CATSPERG: variants seen among roughly 807,000 people sequenced by gnomAD.
The protein encoded by CATSPERG is cation channel sperm-associated auxiliary subunit gamma.
A neutral mutation model predicts 145.0 loss-of-function variants in CATSPERG; 115 were observed. The observed-to-expected ratio is 0.79, with a 90% CI of 0.68 to 0.93. The LOEUF (loss-of-function observed/expected upper bound fraction) is 0.93, where lower values mean the gene tolerates loss of function less well. Among genes scored for constraint, CATSPERG ranks in the 40% least tolerant of loss-of-function variants. The probability of loss-of-function intolerance (pLI) is 0.00; values close to 1 mark genes in which losing one functional copy is unlikely to be tolerated. For synonymous variants in CATSPERG, 588 were observed against 589.0 expected (o/e 1.00, Z 0.02); for missense variants, 1,296 against 1,490.1 (o/e 0.87, Z 2.14).
Position 38,356,518 on chromosome 19 carries a change from G to A in CATSPERG, c.1170G>A (p.Gln390=), listed in dbSNP as rs1284974652. ...GQVSFEMLPR[Q]WSVCEQIGVT... is the part of the protein sequence containing the mutation. Reference sequence around the variant, plus strand: ...TGTCCTTTGAGATGCTGCCCAGGCAGTGGTCTGTGTGCGAGCAGATAGGAG... The same window carrying A: ...TGTCCTTTGAGATGCTGCCCAGGCAATGGTCTGTGTGCGAGCAGATAGGAG... The change falls in exon 10 of 29, where the codon CAG becomes CAA. Residue 390 remains glutamine, a synonymous_variant. Transcript: ENST00000409235. 6.2e-7 allele frequency: 1 copy of A among 1,614,014 alleles called. No homozygotes were observed. Among genetic ancestry groups the A allele is most frequent in the East Asian group, 2.2e-5 (1 of 44,876 alleles).
intron 3 of CATSPERG, among the ~76,000 whole-genome samples, chr19:38,342,820 C>T (rs1969961987): frequency 6.6e-6 from 1 of 152,002 alleles, no homozygotes; most frequent in South Asian, 2.1e-4. Flanking sequence ...ACATCCTTCT[C>T]CTCTTCTCCC....
chr19:38,348,259 A>T (rs2145076648), intron 7 of CATSPERG, among the ~76,000 whole-genome samples: 1 of 152,008 alleles, frequency 6.6e-6, no homozygotes, highest in Non-Finnish European at 1.5e-5. Flanking sequence ...CCTGGACTTA[A>T]ACGATCCTCC....
In CATSPERG at chr19:38,365,052, T is replaced by A. The variant is rs1420002722; in HGVS notation, c.2557-9T>A. 1.2e-6 allele frequency: 2 copies of A among 1,614,074 alleles called. No homozygotes were observed. The highest frequency in any genetic ancestry group is 1.1e-5 in the South Asian group (1 of 91,082). ...GGGGATCACCATCTTCACCTGCTCCTACCCACAGGTGGTGGGTTCATCCGG... is the reference window on the plus strand; with the variant it reads ...GGGGATCACCATCTTCACCTGCTCCAACCCACAGGTGGTGGGTTCATCCGG... On this transcript the variant is annotated splice_polypyrimidine_tract_variant and intron_variant, in intron 21 of 28. Transcript: ENST00000409235.
chr19:38,370,772 G>A lies in CATSPERG; in HGVS notation c.3460G>A (p.Glu1154Lys). Residue 1154 changes from glutamate to lysine, a missense_variant, in exon 29 of 29, where the codon GAG (glutamate) becomes AAG (lysine). Physicochemically the swap from Glu to Lys is moderately conservative, Grantham distance 56. Transcript: ENST00000409235. ...EDRAEPKEAV[E>K]RQLMT ...CAGGGCTGAACCCAAGGAAGCCGTG[G>A]AGAGACAGTTGATGACCTGAGTGTC... is the stretch of plus-strand genomic sequence containing the variant. 6.2e-7 allele frequency: 1 copy of A among 1,613,932 alleles called. No individual in the cohort carries two copies. Among genetic ancestry groups the A allele is most frequent in the Non-Finnish European group, 8.5e-7 (1 of 1,179,946 alleles).
At position 38,367,706 on chromosome 19, in the gene CATSPERG, G is replaced by A. The variant is rs148888831; in HGVS notation, c.2860G>A (p.Gly954Arg). Residue 954 changes from glycine (G) to arginine (R), a missense_variant, in exon 25 of 29, where the codon GGG becomes AGG. Coordinates refer to ENST00000409235, the MANE Select transcript of CATSPERG (RefSeq NM_021185.5). ...GSYVLLVVGG[G>R]PTLDSLKDYS... ...CTATGTTCTGCTGGTGGTGGGTGGC[G>A]GGCCCACACTGGACAGCCTCAAGGA... 16 of 1,614,120 alleles carry A rather than the reference G, an allele frequency of 9.9e-6. No individual in the cohort carries two copies. The highest frequency in any genetic ancestry group is 5.0e-5 in the Admixed American group (3 of 60,008).
rs1347291190 is a variant in CATSPERG at position 38,344,191 on chromosome 19, C to T, written c.596+72C>T. Reference sequence around the variant, plus strand: ...CTCACCCCAGGGTCCCCAGAGGAGCCAGTGGGAGATCCAAGGGAGAGAATG... The same window carrying T: ...CTCACCCCAGGGTCCCCAGAGGAGCTAGTGGGAGATCCAAGGGAGAGAATG... On this transcript the variant is annotated intron_variant, in intron 5 of 28. Transcript: ENST00000409235. 5.2e-6 allele frequency: 8 copies of T among 1,544,834 alleles called. No individual in the cohort carries two copies. In the East Asian group the frequency reaches 1.7e-4, roughly 33 times the overall value.
chr19:38,354,734 G>T lies in CATSPERG; in HGVS notation c.1022G>T (p.Ser341Ile). 6.2e-7 allele frequency: 1 copy of T among 1,614,214 alleles called. No individual in the cohort carries two copies. ...GGCAGTTGGATTCGTGTCCTGGCCAGCGAGTGCATCAAGAAGCTGTGCCCT... is the reference window on the plus strand; with the variant it reads ...GGCAGTTGGATTCGTGTCCTGGCCATCGAGTGCATCAAGAAGCTGTGCCCT... ...GSGSWIRVLA[S>I]ECIKKLCPVY... The change falls in exon 9 of 29, where the codon AGC becomes ATC. Residue 341 changes from serine (S) to isoleucine (I), a missense_variant. Coordinates refer to ENST00000409235, the MANE Select transcript of CATSPERG (RefSeq NM_021185.5).
rs202193668 is a variant in CATSPERG, at chr19:38,360,601, A to G, written c.1721A>G (p.Asn574Ser). ...CAACAGTCCTCTCTCTACGCATCCA[A>G]TGAGACCATGCTGACCCTCTTCTAC... Reference protein sequence around the residue: ...LMQQSSLYASNETMLTLFYED... With the variant: ...LMQQSSLYASSETMLTLFYED... The change falls in exon 15 of 29, where the codon AAT becomes AGT. Residue 574 changes from asparagine to serine, a missense_variant. Asn to Ser is a conservative substitution (Grantham distance 46). Transcript: ENST00000409235. The G allele has an allele frequency of 1.7e-5, 28 of 1,614,102 alleles. No individual in the cohort carries two copies. In the East Asian group the frequency reaches 2.2e-4, roughly 13 times the overall value.
At chr19:38,355,174 A>G (rs1326955315) in intron 9 of CATSPERG, among the ~76,000 whole-genome samples, 32 of 151,432 alleles carry the variant, frequency 2.1e-4, no homozygotes, top group Admixed American at 6.6e-5. Flanking sequence ...GTGAAACCCC[A>G]TCTCTACTAA....
intron 3 of CATSPERG, among the ~76,000 whole-genome samples, chr19:38,338,097 A>G (rs2145057345): frequency 6.6e-6 from 1 of 152,102 alleles, no homozygotes; most frequent in East Asian, 1.9e-4. Context: ...AGTTCCCAGT[A>G]ACCCACCAAG....
At chr19:38,344,978 C>T (rs1174562219) in intron 6 of CATSPERG, among the ~76,000 whole-genome samples, 4 of 140,740 alleles carry the variant, frequency 2.8e-5, no homozygotes, top group Non-Finnish European at 1.5e-5. Flanking sequence ...GCAATCATGG[C>T]TCACTGCAGA....
rs776275957 is a variant in CATSPERG at position 38,370,698 on chromosome 19, T to A, written c.3386T>A (p.Leu1129Gln). ...TCCGGAATCTCGAGCATGCCGTCTC[T>A]GAGACATTCCAGGATGGGCTCCATG... ...SISGISSMPSLRHSRMGSMFS... is the reference protein window; with the variant it reads ...SISGISSMPSQRHSRMGSMFS... Residue 1129 changes from leucine (L) to glutamine (Q), a missense_variant, in exon 29 of 29, where the codon CTG becomes CAG. Coordinates refer to ENST00000409235, the MANE Select transcript of CATSPERG (RefSeq NM_021185.5). 2 of 1,614,016 alleles carry A rather than the reference T, an allele frequency of 1.2e-6. No individual in the cohort carries two copies. The highest frequency in any genetic ancestry group is 1.7e-6 in the Non-Finnish European group (2 of 1,179,940).
Position 38,352,382 on chromosome 19 carries a change from A to G in CATSPERG, c.947A>G (p.Tyr316Cys), listed in dbSNP as rs941563318. The G allele has an allele frequency of 1.4e-5, 22 of 1,551,032 alleles. No individual in the cohort carries two copies. The highest frequency in any genetic ancestry group is 1.7e-5 in the Non-Finnish European group (19 of 1,147,032). The change falls in exon 8 of 29, where the codon TAC becomes TGC. Residue 316 changes from tyrosine to cysteine, a missense_variant. Coordinates refer to ENST00000409235, the MANE Select transcript of CATSPERG (RefSeq NM_021185.5). ...TLFIRQNQLV[Y>C]YFTGTYTTLY... is the part of the protein sequence containing the mutation. ...TTCATTCGGCAGAACCAGCTGGTCT[A>G]CTATTTTACAGGCACCTATACCACA...
rs1226330219 is a variant in CATSPERG, at chr19:38,362,289, G to A, written c.2157+17G>A. The A allele has an allele frequency of 6.2e-7, 1 of 1,613,594 alleles. No individual in the cohort carries two copies. Among genetic ancestry groups the A allele is most frequent in the South Asian group, 1.1e-5 (1 of 91,078 alleles). Reference sequence around the variant, plus strand: ...CAAGACCAGGTAGGCGGAGCGGATTGGGAGCCGGGAAAGGGGCGGCGCCCG... The same window carrying A: ...CAAGACCAGGTAGGCGGAGCGGATTAGGAGCCGGGAAAGGGGCGGCGCCCG... On this transcript the variant is annotated intron_variant, in intron 18 of 28. Transcript: ENST00000409235.
At chr19:38,336,399 A>C (rs1969836793) in intron 1 of CATSPERG, 1 of 341,752 alleles carries the variant, frequency 2.9e-6, no homozygotes, top group Non-Finnish European at 5.9e-6. Flanking sequence ...ATCGCCGAGA[A>C]CCCGGGGAAG....
At position 38,343,617 on chromosome 19, in the gene CATSPERG, G is replaced by C. The variant is rs964539763; in HGVS notation, c.362G>C (p.Gly121Ala). The C allele has an allele frequency of 1.9e-6, 3 of 1,551,426 alleles. No homozygotes were observed. The highest frequency in any genetic ancestry group is 2.6e-6 in the Non-Finnish European group (3 of 1,146,912). The change falls in exon 4 of 29, where the codon GGG becomes GCG. Residue 121 changes from glycine to alanine, a missense_variant. Coordinates refer to ENST00000409235, the MANE Select transcript of CATSPERG (RefSeq NM_021185.5). The stretch of plus-strand genomic sequence containing the variant: ...CTGGTGCGCATGGGCCACCTGACGG[G>C]GCTAAAGCCCCTGGTGCTGGTCACC... ...EDLVRMGHLT[G>A]LKPLVLVTFQ...
At chr19:38,361,908 A>C in intron 17 of CATSPERG, 47 bp downstream of exon 17, 1 of 1,398,102 alleles carries the variant, frequency 7.2e-7, no homozygotes, top group Non-Finnish European at 9.6e-7. Context: ...GGACTGGGGC[A>C]GCCGGGAGCT....
chr19:38,360,171 G>C (rs778553056), intron 14 of CATSPERG: 2 of 985,246 alleles, frequency 2.0e-6, no homozygotes, highest in Admixed American at 6.2e-5. Flanking sequence ...AAGAGGTCTC[G>C]GCTCTAGGAA....
intron 3 of CATSPERG, among the ~76,000 whole-genome samples, chr19:38,338,597 A>G (rs1452036371): frequency 2.0e-5 from 3 of 152,056 alleles, no homozygotes; most frequent in African/African-American, 7.2e-5. Context: ...ATCACAGCTC[A>G]TTGCAGCCTT....
Sources: gnomAD v4.1 joint callset for allele counts (sites outside exome capture counted in the v4.1 genomes callset) on GRCh38, gnomAD v4.1.1 for gene constraint, MANE v1.5 for transcripts, NCBI Gene and HGNC (gene_info 2026-07-23, HGNC 2026-07-21) for gene names.